Variants in CYP2C19 observed in about 807,000 individuals in gnomAD.
CYP2C19 encodes the protein cytochrome P450 2C19.
CYP2C19 carries 59 observed loss-of-function variants against 40.9 expected under a neutral mutation model. The ratio of observed to expected loss-of-function variants is 1.44; its 90% CI spans 1.17 to 1.79. CYP2C19 has a LOEUF of 1.79. Among genes scored for constraint, CYP2C19 ranks in the 40% most tolerant of loss-of-function variants. The pLI is 0.00. For missense variants in CYP2C19, 754 were observed against 596.9 expected, an observed-to-expected ratio of 1.26 and a Z score of -2.74; for synonymous variants, 253 against 208.7, an observed-to-expected ratio of 1.21 and a Z score of -1.83.
At chr10:94,835,182 G>T (rs983013441) in intron 6 of CYP2C19, among the ~76,000 whole-genome samples, 39 of 152,180 alleles carry the variant, frequency 2.6e-4, no homozygotes, top group African/African-American at 9.2e-4. Flanking sequence ...TAAAGATACA[G>T]GGATTGAAAT....
intron 6 of CYP2C19, among the ~76,000 whole-genome samples, chr10:94,823,908 C>A (rs1437949354): frequency 6.6e-6 from 1 of 152,102 alleles, no homozygotes; most frequent in Non-Finnish European, 1.5e-5. Flanking sequence ...CTGCCTTGCA[C>A]CAGGCCTAGA....
intron 5 of CYP2C19, among the ~76,000 whole-genome samples, chr10:94,813,746 C>G (rs1017497368): frequency 2.0e-5 from 3 of 151,014 alleles, no homozygotes; most frequent in Admixed American, 6.6e-5. Flanking sequence ...ATCCCCTGAG[C>G]TAGATCTCTT....
At chr10:94,823,721 T>A (rs1049228794) in intron 6 of CYP2C19, among the ~76,000 whole-genome samples, 1 of 152,188 alleles carries the variant, frequency 6.6e-6, no homozygotes, top group Admixed American at 6.5e-5. Flanking sequence ...ATTTAGCATA[T>A]TAATAGAAAT....
At chr10:94,766,379 T>A (rs1848244151) in intron 1 of CYP2C19, among the ~76,000 whole-genome samples, 2 of 152,032 alleles carry the variant, frequency 1.3e-5, no homozygotes, top group South Asian at 4.2e-4. Flanking sequence ...CTCTGGAAGA[T>A]GAGATCATTT....
chr10:94,837,990 T>G (rs1008307617), intron 6 of CYP2C19, among the ~76,000 whole-genome samples: 2 of 152,190 alleles, frequency 1.3e-5, no homozygotes, highest in Non-Finnish European at 2.9e-5. Flanking sequence ...CTATTAGACA[T>G]ATAATTTTCC....
At chr10:94,847,710 C>T (rs1353367250) in intron 7 of CYP2C19, among the ~76,000 whole-genome samples, 1 of 152,146 alleles carries the variant, frequency 6.6e-6, no homozygotes, top group Non-Finnish European at 1.5e-5. Flanking sequence ...TAAAACTGTT[C>T]CTATTTCTCC....
intron 6 of CYP2C19, among the ~76,000 whole-genome samples, chr10:94,832,711 GT>G (rs370709834): frequency 1.3e-3 from 196 of 151,538 alleles, no homozygotes; most frequent in Admixed American, 2.0e-3. Flanking sequence ...CTCCAGTTTT[GT>G]TTTTTTTGCT....
At chr10:94,826,430 G>A (rs556933334) in intron 6 of CYP2C19, among the ~76,000 whole-genome samples, 1 of 152,124 alleles carries the variant, frequency 6.6e-6, no homozygotes, top group African/African-American at 2.4e-5. Flanking sequence ...ATTGTGAATG[G>A]TAGTTCACTC....
intron 6 of CYP2C19, among the ~76,000 whole-genome samples, chr10:94,833,179 T>C (rs2134279471): frequency 6.6e-6 from 1 of 152,348 alleles, no homozygotes; most frequent in Non-Finnish European, 1.5e-5. Context: ...AGGTTTTTCC[T>C]AGTATAAGGT....
intron 1 of CYP2C19, among the ~76,000 whole-genome samples, chr10:94,765,929 A>G (rs932319289): frequency 1.3e-5 from 2 of 151,962 alleles, no homozygotes; most frequent in African/African-American, 4.8e-5. Flanking sequence ...GAAAGTTAAG[A>G]TGGTATTTGT....
chr10:94,770,190 C>G (rs2134232620), intron 1 of CYP2C19, among the ~76,000 whole-genome samples: 1 of 152,078 alleles, frequency 6.6e-6, no homozygotes, highest in Non-Finnish European at 1.5e-5. Flanking sequence ...TGGCACTTAC[C>G]CTGGGCACCC....
At position 94,842,922 on chromosome 10, in the gene CYP2C19, T is replaced by C. The variant is rs763834734; in HGVS notation, c.1047T>C (p.Asp349=). The change falls in exon 7 of 9, where the codon GAT becomes GAC. Residue 349 remains aspartate (D), a synonymous_variant. Transcript: ENST00000371321. ...MQDRGHMPYT[D]AVVHEVQRYI... ...ACAGGGGCCACATGCCCTACACAGATGCTGTGGTGCACGAGGTCCAGAGAT... is the reference window on the plus strand; with the variant it reads ...ACAGGGGCCACATGCCCTACACAGACGCTGTGGTGCACGAGGTCCAGAGAT... 4.7e-5 allele frequency: 76 copies of C among 1,614,100 alleles called. No homozygotes were observed. Among genetic ancestry groups the C allele is most frequent in the Non-Finnish European group, 6.2e-5 (73 of 1,180,040 alleles).
rs139803383 is a variant in CYP2C19, at chr10:94,835,518, A to C, written c.962-7319A>C. Among the ~76,000 whole-genome samples, 709 of 152,206 alleles carry C rather than the reference A, an allele frequency of 4.7e-3. 3 individuals carry two copies. Among genetic ancestry groups the C allele is most frequent in the African/African-American group, 0.017 (686 of 41,522 alleles). The stretch of plus-strand genomic sequence containing the variant: ...TAGGGGTCCTTCTATAAGCATTTCT[A>C]ATGGAGGGTTCTGCCTTGCAGCTCT... On this transcript the variant is annotated intron_variant, in intron 6 of 8. Coordinates refer to ENST00000371321, the MANE Select transcript of CYP2C19 (RefSeq NM_000769.4).
intron 5 of CYP2C19, 102 bp downstream of exon 5, chr10:94,782,099 T>A: frequency 1.1e-6 from 1 of 922,198 alleles, no homozygotes. Flanking sequence ...CAAGGAGTAA[T>A]GCTTGAGAAG....
chr10:94,826,205 G>T (rs902929620), intron 6 of CYP2C19, among the ~76,000 whole-genome samples: 109 of 152,106 alleles, frequency 7.2e-4, no homozygotes, highest in African/African-American at 2.5e-3. Flanking sequence ...AAAGTCATTG[G>T]TAGCTTGATG....
chr10:94,830,704 ATTAC>A (rs1380880739), intron 6 of CYP2C19, among the ~76,000 whole-genome samples: 1 of 152,170 alleles, frequency 6.6e-6, no homozygotes, highest in African/African-American at 2.4e-5. Context: ...TTTTATTTAT[ATTAC>A]TTATATATAC....
rs1849693287 is a variant in CYP2C19, at chr10:94,853,864, T to C, written c.*950T>C. On this transcript the variant is annotated 3_prime_UTR_variant, in exon 9 of 9. Coordinates refer to ENST00000371321, the MANE Select transcript of CYP2C19 (RefSeq NM_000769.4). ...CCTGGTCTAATGTTACTTTAAAGTG[T>C]CATTACTTTATCTCTAAATAAAGAA... 6.6e-6 allele frequency among the ~76,000 whole-genome samples: 1 copy of C among 151,986 alleles called. No homozygotes were observed. Among genetic ancestry groups the C allele is most frequent in the Non-Finnish European group, 1.5e-5 (1 of 67,990 alleles).
intron 5 of CYP2C19, among the ~76,000 whole-genome samples, chr10:94,789,825 T>G (rs533880526): frequency 8.8e-4 from 134 of 152,188 alleles, no homozygotes; most frequent in African/African-American, 2.6e-3. Flanking sequence ...TTGGCTATAC[T>G]GGCTCTTCCT....
intron 8 of CYP2C19, 131 bp downstream of exon 8, chr10:94,850,189 G>T: frequency 9.1e-7 from 1 of 1,098,620 alleles, no homozygotes; most frequent in Non-Finnish European, 1.3e-6. Flanking sequence ...TGTTCTGAAT[G>T]CCTGTGTTTT....
Sources: gnomAD v4.1 joint callset for allele counts (sites outside exome capture counted in the v4.1 genomes callset) on GRCh38, gnomAD v4.1.1 for gene constraint, MANE v1.5 for transcripts, NCBI Gene and HGNC (gene_info 2026-07-23, HGNC 2026-07-21) for gene names.